GLCCI1: variants seen among roughly 807,000 people sequenced by gnomAD.
GLCCI1 encodes the protein glucocorticoid-induced transcript 1 protein.
A neutral mutation model predicts 52.2 loss-of-function variants in GLCCI1; 24 were observed. That is an observed-to-expected ratio of 0.46 (90% CI 0.33 to 0.65). The LOEUF (loss-of-function observed/expected upper bound fraction) is 0.65, where lower values mean the gene tolerates loss of function less well. Ranked by LOEUF, GLCCI1 falls within the 30% of genes least tolerant of loss-of-function variation. The pLI, the probability that GLCCI1 is intolerant of heterozygous loss-of-function variation, is 0.02. For synonymous variants in GLCCI1, 310 were observed against 276.5 expected (o/e 1.12, Z -1.20); for missense variants, 704 against 701.5 (o/e 1.00, Z -0.04).
chr7:8,004,182 G>A, intron 2 of GLCCI1, 123 bp downstream of exon 2: 3 of 878,344 alleles, frequency 3.4e-6, no homozygotes, highest in African/African-American at 1.7e-5. Flanking sequence ...AGGAAGAAAG[G>A]AAAAATCCAT....
chr7:7,990,416 G>T (rs1031149441), intron 1 of GLCCI1, among the ~76,000 whole-genome samples: 42 of 152,070 alleles, frequency 2.8e-4, no homozygotes, highest in Non-Finnish European at 8.8e-5. Flanking sequence ...GCCCAGTTTT[G>T]TGGCTATTTT....
Position 8,087,823 on chromosome 7 carries a change from G to A in GLCCI1, c.*1285G>A, listed in dbSNP as rs1783150141. On this transcript the variant is annotated 3_prime_UTR_variant, in exon 8 of 8. Coordinates refer to ENST00000223145, the MANE Select transcript of GLCCI1 (RefSeq NM_138426.4). Reference sequence around the variant, plus strand: ...ATAATCATGAGTAGTTTTGAAATTTGCAACCTGTGAGGTAGAGCATAAACT... The same window carrying A: ...ATAATCATGAGTAGTTTTGAAATTTACAACCTGTGAGGTAGAGCATAAACT... 1 of 152,580 alleles carries A rather than the reference G, an allele frequency of 6.6e-6. No homozygotes were observed. The highest frequency in any genetic ancestry group is 2.4e-5 in the African/African-American group (1 of 41,438). The allele number at this position is 152,580 out of a possible 1,614,324, so 9.5% of individuals were successfully genotyped here.
chr7:7,991,896 A>G (rs1466403410), intron 1 of GLCCI1, among the ~76,000 whole-genome samples: 1 of 152,004 alleles, frequency 6.6e-6, no homozygotes, highest in African/African-American at 2.4e-5. Context: ...AAACCTATTG[A>G]TGGTTTTAGT....
At position 7,969,317 on chromosome 7, in the gene GLCCI1, T is replaced by TCGG. The variant is rs765037406; in HGVS notation, c.-32_-30dup. The TCGG allele has an allele frequency of 1.5e-6, 2 of 1,352,644 alleles. No individual in the cohort carries two copies. The highest frequency in any genetic ancestry group is 2.7e-5 in the South Asian group (2 of 73,562). 83.8% of individuals were successfully genotyped at this position (1,352,644 alleles called of 1,614,324 possible). Reference sequence around the variant, plus strand: ...GCGCCTCCCGCCCCGCGCCTCCGTGTCGGCCGGCGGCGTCCAGGGCCCGCA... The same window carrying TCGG: ...GCGCCTCCCGCCCCGCGCCTCCGTGTCGGCGGCCGGCGGCGTCCAGGGCCCGCA... On this transcript the variant is annotated 5_prime_UTR_variant, in exon 1 of 8. Transcript: ENST00000223145. This position sits in a 1 kb window ranked among gnomAD's most constrained non-coding sequence, Gnocchi z 4.9.
At chr7:8,005,595 C>A (rs562062572) in intron 2 of GLCCI1, among the ~76,000 whole-genome samples, 10 of 152,178 alleles carry the variant, frequency 6.6e-5, no homozygotes, top group African/African-American at 2.4e-4. Context: ...AATCTGTTAA[C>A]CAATATAAGC....
intron 1 of GLCCI1, chr7:7,982,051 T>TAA: frequency 2.2e-6 from 1 of 463,786 alleles, no homozygotes; most frequent in Non-Finnish European, 4.3e-6. Flanking sequence ...AATGAAAGAG[T>TAA]AAAAAGAGAG....
At chr7:8,002,064 G>A (rs1360138079) in intron 1 of GLCCI1, among the ~76,000 whole-genome samples, 3 of 151,872 alleles carry the variant, frequency 2.0e-5, no homozygotes, top group African/African-American at 4.8e-5. Context: ...TCTGCACATT[G>A]TGCACATGTA....
chr7:7,969,327 G>A lies in GLCCI1; in HGVS notation c.-24G>A. On this transcript the variant is annotated 5_prime_UTR_variant, in exon 1 of 8. Coordinates refer to ENST00000223145, the MANE Select transcript of GLCCI1 (RefSeq NM_138426.4). This position sits in a 1 kb window ranked among gnomAD's most constrained non-coding sequence, Gnocchi z 4.9. ...CCCCGCGCCTCCGTGTCGGCCGGCG[G>A]CGTCCAGGGCCCGCAGAGCCACCAT... 1 of 1,436,628 alleles carries A rather than the reference G, an allele frequency of 7.0e-7. No homozygotes were observed. The highest frequency in any genetic ancestry group is 9.2e-7 in the Non-Finnish European group (1 of 1,092,438). The allele number at this position is 1,436,628 out of a possible 1,614,324, so 89.0% of individuals were successfully genotyped here. A position where few individuals can be genotyped will look rare whatever the true frequency, so the allele number is the denominator to read the frequency against.
Position 8,060,155 on chromosome 7 carries a change from T to C in GLCCI1, c.873T>C (p.Ser291=), listed in dbSNP as rs776383214. ...CAAATATATCAGTGCCAAAATCATCTGTTTCGCGTGTGCCCTGCAATGTAG... is the reference window on the plus strand; with the variant it reads ...CAAATATATCAGTGCCAAAATCATCCGTTTCGCGTGTGCCCTGCAATGTAG... ...PLSNISVPKS[S]VSRVPCNVEG... Residue 291 remains serine (S), a synonymous_variant, in exon 5 of 8, where the codon TCT becomes TCC. Transcript: ENST00000223145. The C allele has an allele frequency of 1.2e-6, 2 of 1,613,720 alleles. No homozygotes were observed. Among genetic ancestry groups the C allele is most frequent in the Non-Finnish European group, 1.7e-6 (2 of 1,179,698 alleles).
At chr7:8,013,157 T>A (rs568747504) in intron 2 of GLCCI1, among the ~76,000 whole-genome samples, 4 of 152,376 alleles carry the variant, frequency 2.6e-5, no homozygotes, top group African/African-American at 9.6e-5. Flanking sequence ...TATGCCATAA[T>A]TGGGAAAGAT....
chr7:8,060,378 A>G, intron 5 of GLCCI1, 130 bp downstream of exon 5: 1 of 680,398 alleles, frequency 1.5e-6, no homozygotes, highest in East Asian at 2.9e-5. Context: ...TTAGTGTACA[A>G]TTCAGTGGTT....
intron 6 of GLCCI1, among the ~76,000 whole-genome samples, chr7:8,073,859 G>A (rs747435472): frequency 6.6e-6 from 1 of 152,172 alleles, no homozygotes; most frequent in African/African-American, 2.4e-5. Flanking sequence ...ATTTAGCTGA[G>A]AGGCATTACT....
intron 2 of GLCCI1, among the ~76,000 whole-genome samples, chr7:8,013,199 A>G (rs1051121915): frequency 6.6e-6 from 1 of 152,216 alleles, no homozygotes; most frequent in African/African-American, 2.4e-5. Flanking sequence ...AATTTCATTT[A>G]AACTATATTT....
rs941839078 is a variant in GLCCI1, at chr7:8,086,808, G to T, written c.*270G>T. The T allele has an allele frequency of 2.8e-6, 1 of 352,272 alleles. No homozygotes were observed. Among genetic ancestry groups the T allele is most frequent in the Non-Finnish European group, 5.1e-6 (1 of 195,554 alleles). The allele number at this position is 352,272 out of a possible 1,614,324, so 21.8% of individuals were successfully genotyped here. A position where few individuals can be genotyped will look rare whatever the true frequency, so the allele number is the denominator to read the frequency against. On this transcript the variant is annotated 3_prime_UTR_variant, in exon 8 of 8. Coordinates refer to ENST00000223145, the MANE Select transcript of GLCCI1 (RefSeq NM_138426.4). This position sits in a 1 kb window ranked among gnomAD's most constrained non-coding sequence, Gnocchi z 4.4. Reference sequence around the variant, plus strand: ...AGTATATTTGACAGATTAGTACTGTGTCCTGTGTTTTGTTCCAGATTCTTC... The same window carrying T: ...AGTATATTTGACAGATTAGTACTGTTTCCTGTGTTTTGTTCCAGATTCTTC...
chr7:7,985,849 G>T (rs1434188839), intron 1 of GLCCI1, among the ~76,000 whole-genome samples: 1 of 152,228 alleles, frequency 6.6e-6, no homozygotes, highest in East Asian at 1.9e-4. Context: ...TTTCTCTGCT[G>T]GGGTTGGCTT....
chr7:8,067,616 G>C (rs1481255534), intron 5 of GLCCI1, among the ~76,000 whole-genome samples: 2 of 152,080 alleles, frequency 1.3e-5, no homozygotes, highest in Non-Finnish European at 2.9e-5. Flanking sequence ...GATCTTATTT[G>C]TCCTGTGCTT....
chr7:8,042,297 T>C (rs768899229), intron 3 of GLCCI1, among the ~76,000 whole-genome samples: 8 of 152,236 alleles, frequency 5.3e-5, no homozygotes, highest in Middle Eastern at 3.2e-3. Context: ...AATGATTCCT[T>C]TGATGAATCT....
At chr7:8,043,090 G>T (rs546322961) in intron 3 of GLCCI1, among the ~76,000 whole-genome samples, 114 of 152,342 alleles carry the variant, frequency 7.5e-4, no homozygotes, top group African/African-American at 2.6e-3. Context: ...TGAAGACTCA[G>T]ATGATCATTA....
intron 5 of GLCCI1, among the ~76,000 whole-genome samples, chr7:8,069,445 C>T (rs1157051778): frequency 2.0e-5 from 3 of 152,144 alleles, no homozygotes; most frequent in Admixed American, 1.3e-4. Flanking sequence ...GAGGGGCTTT[C>T]GGTTGCCTCT....
Sources: gnomAD v4.1 joint callset for allele counts (sites outside exome capture counted in the v4.1 genomes callset) on GRCh38, gnomAD v4.1.1 for gene constraint, Gnocchi (gnomAD v3.1) non-coding constraint, MANE v1.5 for transcripts, NCBI Gene and HGNC (gene_info 2026-07-23, HGNC 2026-07-21) for gene names.